The following TAPT1 variants were observed in gnomAD, a reference collection of about 807,000 sequenced individuals.
TAPT1 encodes transmembrane anterior posterior transformation protein 1 homolog.
Under a neutral mutation model 65.6 loss-of-function variants are expected in TAPT1, and 28 were observed. The observed-to-expected ratio is 0.43, with a 90% CI of 0.32 to 0.59. The LOEUF is 0.59. Among genes scored for constraint, TAPT1 ranks in the 20% least tolerant of loss-of-function variants. The pLI, the probability that TAPT1 is intolerant of heterozygous loss-of-function variation, is 0.09. For missense variants in TAPT1, 563 were observed against 679.9 expected, an observed-to-expected ratio of 0.83 and a Z score of 1.91; for synonymous variants, 278 against 245.2, an observed-to-expected ratio of 1.13 and a Z score of -1.25.
intron 1 of TAPT1, among the ~76,000 whole-genome samples, chr4:16,218,018 G>A (rs568485785): frequency 6.6e-5 from 10 of 152,330 alleles, no homozygotes; most frequent in East Asian, 1.9e-4. Context: ...AAGAAATTAC[G>A]CAGCCCACAA....
intron 1 of TAPT1, 123 bp downstream of exon 1, chr4:16,226,136 G>A (rs1422150217): frequency 1.9e-6 from 2 of 1,026,188 alleles, no homozygotes; most frequent in East Asian, 7.3e-5. Flanking sequence ...CCACAGCCTG[G>A]GGAGCCCCGG....
At chr4:16,174,486 CTTAATG>C (rs1427723622) in intron 10 of TAPT1, 178 bp downstream of exon 10, 4 of 676,164 alleles carry the variant, frequency 5.9e-6, no homozygotes, top group East Asian at 2.8e-5. Context: ...GCATATACTA[CTTAATG>C]TTAAGTATTA....
At chr4:16,177,389 G>C (rs1748400471) in intron 8 of TAPT1, among the ~76,000 whole-genome samples, 1 of 152,228 alleles carries the variant, frequency 6.6e-6, no homozygotes, top group African/African-American at 2.4e-5. Flanking sequence ...GAAAAAGATA[G>C]GGAGAAATGC....
At chr4:16,170,469 A>G (rs1168821730) in intron 12 of TAPT1, among the ~76,000 whole-genome samples, 184 bp downstream of exon 12, 1 of 152,272 alleles carries the variant, frequency 6.6e-6, no homozygotes, top group Non-Finnish European at 1.5e-5. Context: ...TATTAATACT[A>G]CTACCAAATA....
In TAPT1 at chr4:16,174,238, C is replaced by A; in HGVS notation, c.1202G>T (p.Arg401Met). The A allele has an allele frequency of 6.2e-7, 1 of 1,608,082 alleles. No individual in the cohort carries two copies. The highest frequency in any genetic ancestry group is 1.1e-5 in the South Asian group (1 of 89,346). ...YTDYSDSVAR[R>M]MGFIPLPLAV... Reference sequence around the variant, plus strand: ...TAGTGGGAGAGGAATAAAGCCCATCCTCCGTGCTACAGAGTCACTGTAATC... The same window carrying A: ...TAGTGGGAGAGGAATAAAGCCCATCATCCGTGCTACAGAGTCACTGTAATC... The change falls in exon 11 of 14, where the codon AGG becomes ATG. Residue 401 changes from arginine (R) to methionine (M), a missense_variant. Around this residue, in one of 5 missense-constraint regions of TAPT1, gnomAD observed 104 missense variants for 102.5 expected, o/e 1.01. Coordinates refer to ENST00000405303, the MANE Select transcript of TAPT1 (RefSeq NM_153365.3).
intron 1 of TAPT1, among the ~76,000 whole-genome samples, chr4:16,223,599 G>A (rs916464136): frequency 6.6e-6 from 1 of 152,204 alleles, no homozygotes; most frequent in African/African-American, 2.4e-5. Context: ...TCAGCCTATT[G>A]CCAGGCTAAA....
rs796749859 is a variant in TAPT1 at position 16,166,778 on chromosome 4, T to C, written c.1329A>G (p.Lys443=). 6.2e-7 allele frequency: 1 copy of C among 1,613,768 alleles called. No homozygotes were observed. The highest frequency in any genetic ancestry group is 8.5e-7 in the Non-Finnish European group (1 of 1,179,756). The change falls in exon 13 of 14, where the codon AAA becomes AAG. Residue 443 remains lysine, a synonymous_variant. Coordinates refer to ENST00000405303, the MANE Select transcript of TAPT1 (RefSeq NM_153365.3). Reference sequence around the variant, plus strand: ...CCAACAGCACGATGCTATTAAGTACTTTCAGGGATATCAACCTAAAAACAG... The same window carrying C: ...CCAACAGCACGATGCTATTAAGTACCTTCAGGGATATCAACCTAAAAACAG... The part of the protein sequence containing the change: ...ILFYFGLISL[K]VLNSIVLLGK...
At chr4:16,203,403 G>A (rs1171783507) in intron 2 of TAPT1, among the ~76,000 whole-genome samples, 4 of 152,142 alleles carry the variant, frequency 2.6e-5, no homozygotes. Flanking sequence ...TCTCTATCAA[G>A]TTCCTATGTT....
chr4:16,163,597 C>G, intron 13 of TAPT1, 60 bp from the exon 14 acceptor site: 1 of 1,357,132 alleles, frequency 7.4e-7, no homozygotes, highest in South Asian at 1.3e-5. Flanking sequence ...TTAATAAATA[C>G]AAACTTACCA....
chr4:16,165,355 G>C (rs1240677171), intron 13 of TAPT1, among the ~76,000 whole-genome samples: 2 of 152,030 alleles, frequency 1.3e-5, no homozygotes, highest in Non-Finnish European at 2.9e-5. Flanking sequence ...CGGATCACGA[G>C]GTCAGGAGAT....
At chr4:16,168,849 C>G (rs1312851576) in intron 12 of TAPT1, among the ~76,000 whole-genome samples, 1 of 152,242 alleles carries the variant, frequency 6.6e-6, no homozygotes, top group Admixed American at 6.5e-5. Flanking sequence ...CCCTGAGGGG[C>G]ACTGGGCAGA....
At chr4:16,201,199 T>G (rs1423029412) in intron 3 of TAPT1, among the ~76,000 whole-genome samples, 2 of 152,192 alleles carry the variant, frequency 1.3e-5, no homozygotes, top group Non-Finnish European at 2.9e-5. Flanking sequence ...CAAAACTGAT[T>G]GTCTTATTTT....
chr4:16,202,647 A>C (rs12650015), intron 2 of TAPT1, 67 bp from the exon 3 acceptor site: 4 of 831,154 alleles, frequency 4.8e-6, no homozygotes, highest in Non-Finnish European at 7.5e-6. Context: ...TGAAAATTCC[A>C]AACAACCAGA....
chr4:16,215,332 G>A (rs1293422816), intron 1 of TAPT1, among the ~76,000 whole-genome samples: 1 of 151,950 alleles, frequency 6.6e-6, no homozygotes, highest in Non-Finnish European at 1.5e-5. Context: ...CTCCTTAAAA[G>A]CCCTTGGAAA....
rs761203835 is a variant in TAPT1 at position 16,188,292 on chromosome 4, T to C, written c.676A>G (p.Thr226Ala). 3 of 1,612,676 alleles carry C rather than the reference T, an allele frequency of 1.9e-6. No homozygotes were observed. Among genetic ancestry groups the C allele is most frequent in the East Asian group, 2.2e-5 (1 of 44,782 alleles). Residue 226 changes from threonine (T) to alanine (A), a missense_variant, in exon 5 of 14, where the codon ACA becomes GCA. Physicochemically the swap from Thr to Ala is moderately conservative, Grantham distance 58 (BLOSUM62 0). Transcript: ENST00000405303. Reference sequence around the variant, plus strand: ...GCTCTTTTTCTTTCTTTAGGCTCTGTTGCTGTCCAATAGAGAGCATCTAAT... The same window carrying C: ...GCTCTTTTTCTTTCTTTAGGCTCTGCTGCTGTCCAATAGAGAGCATCTAAT... ...DILDALYWTA[T>A]EPKERKRAHI...
chr4:16,204,250 G>C (rs540220245), intron 2 of TAPT1, among the ~76,000 whole-genome samples: 15 of 152,192 alleles, frequency 9.9e-5, no homozygotes, highest in Non-Finnish European at 1.9e-4. Context: ...TCAGGTCCCG[G>C]ATAGGCAGCC....
chr4:16,176,314 T>G, intron 8 of TAPT1, 86 bp from the exon 9 acceptor site: 1 of 666,024 alleles, frequency 1.5e-6, no homozygotes, highest in Non-Finnish European at 2.5e-6. Flanking sequence ...ATGAAATCTC[T>G]AGAACAAAAC....
intron 1 of TAPT1, chr4:16,214,428 C>G (rs35475888): frequency 0.25 from 38,250 of 152,148 alleles, 5,697 homozygotes; most frequent in East Asian, 0.33. Context: ...GACTTACCAA[C>G]ATGATACTCA....
chr4:16,195,907 T>A (rs529639168), intron 3 of TAPT1, among the ~76,000 whole-genome samples: 4 of 152,130 alleles, frequency 2.6e-5, no homozygotes, highest in Non-Finnish European at 4.4e-5. Context: ...AATGGGAGAA[T>A]CCCTGCATAG....
Sources: gnomAD v4.1 joint callset for allele counts (sites outside exome capture counted in the v4.1 genomes callset) on GRCh38, gnomAD v4.1.1 for gene constraint, gnomAD v4.1.1 regional missense constraint, MANE v1.5 for transcripts, NCBI Gene and HGNC (gene_info 2026-07-23, HGNC 2026-07-21) for gene names.